Variants in NCALD observed in about 807,000 individuals in gnomAD.
The protein encoded by NCALD is neurocalcin-delta.
NCALD carries 10 observed loss-of-function variants against 18.6 expected under a neutral mutation model. The observed-to-expected ratio is 0.54, with a 90% CI of 0.33 to 0.91. The LOEUF (loss-of-function observed/expected upper bound fraction) is 0.91. Ranked by LOEUF, NCALD falls within the 40% of genes least tolerant of loss-of-function variation. The pLI is 0.03. For missense variants in NCALD, 184 were observed against 247.6 expected (o/e 0.74, Z 1.72); for synonymous variants, 88 against 87.4 (o/e 1.01, Z -0.04).
Position 101,754,822 on chromosome 8 carries a change from C to T in NCALD, c.-19-35174G>A, listed in dbSNP as rs559828853. On this transcript the variant is annotated intron_variant, in intron 1 of 3. Transcript: ENST00000220931. The stretch of plus-strand genomic sequence containing the variant: ...GTGTTCTTTACCACCAAGATACACT[C>T]GGCACAGGGCCAGTCCATATGTTTA... Among the ~76,000 whole-genome samples the T allele has an allele frequency of 1.2e-4, 18 of 152,116 alleles. 1 individual carries two copies. In the South Asian group the frequency reaches 2.9e-3, roughly 25 times the overall value.
intron 2 of NCALD, among the ~76,000 whole-genome samples, chr8:101,929,649 G>A (rs1206186827): frequency 8.5e-6 from 1 of 117,738 alleles, no homozygotes; most frequent in African/African-American, 3.2e-5. Flanking sequence ...GGCAGGGAGG[G>A]AGGGAGGAAG....
chr8:101,694,795 C>T (rs1444731622), intron 2 of NCALD, among the ~76,000 whole-genome samples: 1 of 152,162 alleles, frequency 6.6e-6, no homozygotes, highest in Non-Finnish European at 1.5e-5. Context: ...CCATGTGCCT[C>T]ACTGCCGGGG....
intron 1 of NCALD, among the ~76,000 whole-genome samples, chr8:102,113,894 A>G (rs1825707059): frequency 6.6e-6 from 1 of 152,262 alleles, no homozygotes; most frequent in Admixed American, 6.5e-5. Context: ...CACCCCAAAC[A>G]ACCGTGAATC....
At chr8:101,826,335 C>G (rs1234627348) in intron 4 of NCALD, among the ~76,000 whole-genome samples, 2 of 152,186 alleles carry the variant, frequency 1.3e-5, no homozygotes, top group African/African-American at 2.4e-5. Context: ...AGGCAATAAG[C>G]CTCTCAGCTA....
intron 2 of NCALD, among the ~76,000 whole-genome samples, chr8:101,935,637 T>C (rs1451140848): frequency 2.0e-5 from 3 of 152,058 alleles, no homozygotes; most frequent in African/African-American, 7.2e-5. Flanking sequence ...ACAAAGTCTT[T>C]GGTGGAGCAG....
At chr8:102,049,311 T>A (rs952453691) in intron 1 of NCALD, among the ~76,000 whole-genome samples, 1 of 152,226 alleles carries the variant, frequency 6.6e-6, no homozygotes, top group Non-Finnish European at 1.5e-5. Flanking sequence ...CAATCCCCCA[T>A]GGATATCGAG....
intron 4 of NCALD, among the ~76,000 whole-genome samples, chr8:101,870,429 A>G (rs1815957550): frequency 6.6e-6 from 1 of 152,240 alleles, no homozygotes; most frequent in Non-Finnish European, 1.5e-5. Flanking sequence ...ATATGAAACA[A>G]ATAAACAAGA....
chr8:102,066,697 G>A (rs112318022), intron 1 of NCALD, among the ~76,000 whole-genome samples: 3 of 152,366 alleles, frequency 2.0e-5, no homozygotes, highest in African/African-American at 7.2e-5. Context: ...GTCTGAATAG[G>A]AAGCTTCCAC....
At chr8:101,815,285 G>A (rs761072155) in intron 4 of NCALD, among the ~76,000 whole-genome samples, 1 of 152,014 alleles carries the variant, frequency 6.6e-6, no homozygotes, top group Non-Finnish European at 1.5e-5. Context: ...CAATGGAACA[G>A]AATAGAGACC....
intron 2 of NCALD, among the ~76,000 whole-genome samples, chr8:102,012,452 T>C (rs908690466): frequency 6.6e-6 from 1 of 152,132 alleles, no homozygotes. Flanking sequence ...GCTAAGAGTT[T>C]CCAAATCAGC....
intron 4 of NCALD, among the ~76,000 whole-genome samples, chr8:101,849,565 T>C (rs759263960): frequency 2.6e-4 from 39 of 152,182 alleles, no homozygotes; most frequent in Non-Finnish European, 4.6e-4. Flanking sequence ...CCTGCCCATT[T>C]TTCCGATAGG....
At chr8:101,786,527 T>C (rs115614168) in intron 1 of NCALD, among the ~76,000 whole-genome samples, 1,787 of 152,312 alleles carry the variant, frequency 0.012, 41 homozygotes, top group African/African-American at 0.037. Flanking sequence ...AACCTGATCA[T>C]GGTTTGAGTT....
At chr8:102,012,644 GA>G (rs757992888) in intron 2 of NCALD, among the ~76,000 whole-genome samples, 5 of 152,236 alleles carry the variant, frequency 3.3e-5, no homozygotes, top group Non-Finnish European at 7.3e-5. Flanking sequence ...AATGCAGAGG[GA>G]TCTAATGATG....
chr8:101,853,435 G>A (rs1815178931), intron 4 of NCALD, among the ~76,000 whole-genome samples: 1 of 152,148 alleles, frequency 6.6e-6, no homozygotes, highest in Non-Finnish European at 1.5e-5. Flanking sequence ...TTTGGTGTCA[G>A]AGCCTAAAAG....
rs757813420 is a variant in NCALD at position 101,689,316 on chromosome 8, T to G, written c.575A>C (p.Gln192Pro). 1 of 1,613,734 alleles carries G rather than the reference T, an allele frequency of 6.2e-7. No homozygotes were observed. Among genetic ancestry groups the G allele is most frequent in the Non-Finnish European group, 8.5e-7 (1 of 1,179,898 alleles). ...GATTGGTGGGCGCAGGGCTCAGAAC[T>G]GGCCGGCACTGCTCGGGTCGCACTG... The part of the protein sequence containing the change: ...LLQCDPSSAG[Q>P]F Residue 192 changes from glutamine to proline, a missense_variant, in exon 4 of 4, where the codon CAG becomes CCG. Coordinates refer to ENST00000220931, the MANE Select transcript of NCALD (RefSeq NM_032041.3). This position sits in a 1 kb window ranked among gnomAD's most constrained non-coding sequence, Gnocchi z 4.4.
chr8:101,719,046 C>T (rs893446604), intron 2 of NCALD, among the ~76,000 whole-genome samples: 1 of 152,162 alleles, frequency 6.6e-6, no homozygotes, highest in Admixed American at 6.5e-5. Flanking sequence ...TCTAGTTTTT[C>T]AAGAGATGCC....
At chr8:101,807,536 T>C (rs1813149693) in intron 4 of NCALD, among the ~76,000 whole-genome samples, 1 of 152,180 alleles carries the variant, frequency 6.6e-6, no homozygotes, top group African/African-American at 2.4e-5. Context: ...CCAAAGAATT[T>C]TGATACTAAT....
chr8:101,713,975 A>G (rs1368272167), intron 2 of NCALD, among the ~76,000 whole-genome samples: 1 of 152,250 alleles, frequency 6.6e-6, no homozygotes, highest in Non-Finnish European at 1.5e-5. Flanking sequence ...TAAACTAGGT[A>G]TTGATGGAAC....
chr8:101,910,596 G>A (rs955218162), intron 3 of NCALD, among the ~76,000 whole-genome samples: 4 of 152,116 alleles, frequency 2.6e-5, no homozygotes, highest in Non-Finnish European at 5.9e-5. Context: ...AAACAAAATG[G>A]AAAGACAGAT....
Sources: allele counts gnomAD v4.1 joint callset (sites outside exome capture counted in the v4.1 genomes callset), GRCh38; gene constraint gnomAD v4.1.1; non-coding constraint Gnocchi (gnomAD v3.1); transcripts MANE v1.5; gene names NCBI Gene and HGNC (gene_info 2026-07-23, HGNC 2026-07-21).